The following EPB41L5 variants were observed in gnomAD, a reference collection of about 807,000 sequenced individuals.
EPB41L5 encodes the protein band 4.1-like protein 5.
EPB41L5 carries 55 observed loss-of-function variants against 106.6 expected under a neutral mutation model. That is an observed-to-expected ratio of 0.52 (90% CI 0.42 to 0.65). The LOEUF is 0.65. EPB41L5 is among the 30% of genes least tolerant of loss of function. The pLI is 0.00. For missense variants in EPB41L5, 871 were observed against 882.1 expected, an observed-to-expected ratio of 0.99 and a Z score of 0.16; for synonymous variants, 297 against 306.7, an observed-to-expected ratio of 0.97 and a Z score of 0.33.
At chr2:120,160,732 A>G in intron 20 of EPB41L5, 149 bp from the exon 21 acceptor site, 1 of 606,866 alleles carries the variant, frequency 1.6e-6, no homozygotes, top group South Asian at 2.1e-5. Context: ...CATAGTTTGG[A>G]TTTACATTTC....
intron 16 of EPB41L5, among the ~76,000 whole-genome samples, chr2:120,117,880 G>T (rs937230545): frequency 1.2e-4 from 19 of 152,040 alleles, no homozygotes; most frequent in African/African-American, 4.6e-4. Context: ...AAGGCTGTTG[G>T]CCTTTTTCTT....
chr2:120,028,476 C>T (rs1463656644), intron 2 of EPB41L5, among the ~76,000 whole-genome samples: 1 of 152,062 alleles, frequency 6.6e-6, no homozygotes, highest in Non-Finnish European at 1.5e-5. Context: ...GTAGAGGCTG[C>T]AGTGGACTAT....
Position 120,177,369 on chromosome 2 carries a change from G to A in EPB41L5, c.*2462G>A, listed in dbSNP as rs1011968611. The A allele has an allele frequency of 5.9e-5, 9 of 152,626 alleles. No homozygotes were observed. The highest frequency in any genetic ancestry group is 2.2e-4 in the African/African-American group (9 of 41,448). The allele number at this position is 152,626 out of a possible 1,614,324, so 9.5% of individuals were successfully genotyped here. On this transcript the variant is annotated 3_prime_UTR_variant, in exon 25 of 25. Transcript: ENST00000263713. ...AAGGGGCAGCCGGGGGCACTGCTGAGGGTTTGCCGTGCACGCCTCGGACGG... is the reference window on the plus strand; with the variant it reads ...AAGGGGCAGCCGGGGGCACTGCTGAAGGTTTGCCGTGCACGCCTCGGACGG...
At chr2:120,145,862 C>T (rs1467676617) in intron 19 of EPB41L5, among the ~76,000 whole-genome samples, 3 of 152,068 alleles carry the variant, frequency 2.0e-5, no homozygotes, top group Non-Finnish European at 2.9e-5. Context: ...AGGAGAATCA[C>T]TTGAACCTGG....
rs548121888 is a variant in EPB41L5 at position 120,018,017 on chromosome 2, C to T, written c.-8-1060C>T. Among the ~76,000 whole-genome samples the T allele has an allele frequency of 2.4e-3, 363 of 150,724 alleles. 1 individual carries two copies. Among genetic ancestry groups the T allele is most frequent in the Non-Finnish European group, 4.3e-3 (290 of 67,660 alleles). On this transcript the variant is annotated intron_variant, in intron 1 of 24. Transcript: ENST00000263713. ...TGCTCTGTCGCCCAGGCTGGAGTAC[C>T]GTGGCGCCATCTCGGCTCACTGCAA...
At chr2:120,094,553 T>A (rs1359037171) in intron 14 of EPB41L5, among the ~76,000 whole-genome samples, 1 of 152,004 alleles carries the variant, frequency 6.6e-6, no homozygotes, top group African/African-American at 2.4e-5. Context: ...AGCTTTTGGT[T>A]TCATTGATTT....
chr2:120,134,610 T>G (rs911597031), intron 18 of EPB41L5, among the ~76,000 whole-genome samples: 1 of 152,102 alleles, frequency 6.6e-6, no homozygotes, highest in Non-Finnish European at 1.5e-5. Context: ...AGAGAGACTT[T>G]ATGGGAGAAA....
intron 16 of EPB41L5, chr2:120,106,143 T>G (rs1173623012): frequency 4.1e-6 from 4 of 985,252 alleles, no homozygotes; most frequent in Non-Finnish European, 4.8e-6. Context: ...TAAGGGAAGA[T>G]TCACCTCATG....
intron 2 of EPB41L5, among the ~76,000 whole-genome samples, chr2:120,032,158 G>GT (rs2105174284): frequency 6.6e-6 from 1 of 152,188 alleles, no homozygotes; most frequent in African/African-American, 2.4e-5. Flanking sequence ...TGAGGTGGGC[G>GT]TATCATGAGT....
At chr2:120,043,792 T>G (rs78990857) in intron 3 of EPB41L5, among the ~76,000 whole-genome samples, 1 of 152,082 alleles carries the variant, frequency 6.6e-6, no homozygotes, top group African/African-American at 2.4e-5. Flanking sequence ...CTAATTGATA[T>G]GGAGTGGTAG....
intron 16 of EPB41L5, among the ~76,000 whole-genome samples, chr2:120,111,841 T>C (rs1684741841): frequency 6.6e-6 from 1 of 152,186 alleles, no homozygotes; most frequent in Admixed American, 6.5e-5. Flanking sequence ...CTCACATTGA[T>C]AGAAACATGC....
intron 16 of EPB41L5, 88 bp from the exon 17 acceptor site, chr2:120,127,600 T>G: frequency 1.9e-6 from 2 of 1,032,674 alleles, no homozygotes; most frequent in Non-Finnish European, 2.7e-6. Flanking sequence ...ACAGATGTGG[T>G]GGAAATTGCA....
intron 24 of EPB41L5, among the ~76,000 whole-genome samples, chr2:120,169,458 G>C (rs1372637159): frequency 6.6e-6 from 1 of 152,160 alleles, no homozygotes; most frequent in African/African-American, 2.4e-5. Context: ...AGCTCACAAG[G>C]AGCTTTAGTC....
intron 20 of EPB41L5, among the ~76,000 whole-genome samples, chr2:120,148,830 AT>A (rs1224548669): frequency 6.6e-6 from 1 of 151,670 alleles, no homozygotes; most frequent in African/African-American, 2.4e-5. Context: ...TTGCATACAA[AT>A]TTTTTTTTGT....
rs869296989 is a variant in EPB41L5 at position 120,123,646 on chromosome 2, CTTTTTTTTTTT to C, written c.1338-4024_1338-4014del. Among the ~76,000 whole-genome samples the C allele has an allele frequency of 2.0e-4, 14 of 68,338 alleles. No homozygotes were observed. The South Asian group carries it at 2.5e-3, about 12-fold the overall frequency. 44.8% of individuals were successfully genotyped at this position (68,338 alleles called of 152,430 possible). A position where few individuals can be genotyped will look rare whatever the true frequency, so the allele number is the denominator to read the frequency against. On this transcript the variant is annotated intron_variant, in intron 16 of 24. Transcript: ENST00000263713. ...GAATGGGGATGGGGAGTGTTCGTCC[CTTTTTTTTTTT>C]TTTTTTTTTTTTTTTTTGATACAGG... is the stretch of plus-strand genomic sequence containing the variant.
In EPB41L5 at chr2:120,087,157, TTATTA is replaced by T. The variant is rs750731001; in HGVS notation, c.804-6_804-2del. Reference sequence around the variant, plus strand: ...TGTTTGTAATTTGGCTTTTATTCTCTTATTATATTATAGGCCGAAGATAACCAGAT... The same window carrying T: ...TGTTTGTAATTTGGCTTTTATTCTCTTATTATAGGCCGAAGATAACCAGAT... On this transcript the variant is annotated splice_polypyrimidine_tract_variant and intron_variant, in intron 10 of 24. Transcript: ENST00000263713. 3.5e-4 allele frequency: 522 copies of T among 1,503,782 alleles called. No homozygotes were observed. Among genetic ancestry groups the T allele is most frequent in the Middle Eastern group, 8.8e-4 (5 of 5,712 alleles). 93.2% of individuals were successfully genotyped at this position (1,503,782 alleles called of 1,614,324 possible). A position where few individuals can be genotyped will look rare whatever the true frequency, so the allele number is the denominator to read the frequency against.
At chr2:120,143,594 G>A (rs1686276571) in intron 19 of EPB41L5, among the ~76,000 whole-genome samples, 1 of 152,106 alleles carries the variant, frequency 6.6e-6, no homozygotes, top group African/African-American at 2.4e-5. Flanking sequence ...TTGGCTCTCC[G>A]TGACTTTCAA....
intron 16 of EPB41L5, among the ~76,000 whole-genome samples, chr2:120,107,801 G>C (rs1323631288): frequency 6.6e-6 from 1 of 152,090 alleles, no homozygotes; most frequent in Non-Finnish European, 1.5e-5. Flanking sequence ...CGTTAACCTT[G>C]GTGGTGTAGA....
At chr2:120,046,942 C>G (rs1205716112) in intron 3 of EPB41L5, among the ~76,000 whole-genome samples, 2 of 151,972 alleles carry the variant, frequency 1.3e-5, no homozygotes, top group Non-Finnish European at 2.9e-5. Context: ...TCTTGTTTTT[C>G]TCAGGTTTGT....
Sources: gnomAD v4.1 joint callset for allele counts (sites outside exome capture counted in the v4.1 genomes callset) on GRCh38, gnomAD v4.1.1 for gene constraint, MANE v1.5 for transcripts, NCBI Gene and HGNC (gene_info 2026-07-23, HGNC 2026-07-21) for gene names.